The following GABRA3 variants were observed in gnomAD, a reference collection of about 807,000 sequenced individuals.
GABRA3 encodes the protein gamma-aminobutyric acid type A receptor subunit alpha3.
In GABRA3, 10 loss-of-function variants were observed where a neutral mutation model predicts 30.1. The ratio of observed to expected loss-of-function variants is 0.33; its 90% CI spans 0.20 to 0.56. The LOEUF (loss-of-function observed/expected upper bound fraction) is 0.56, where lower values mean the gene tolerates loss of function less well. GABRA3 is among the 20% of genes least tolerant of loss of function. GABRA3 has a pLI of 0.89. For synonymous variants in GABRA3, 151 were observed against 146.8 expected (o/e 1.03, Z -0.21); for missense variants, 233 against 392.0 (o/e 0.59, Z 3.42).
At chrX:152,264,869 T>C (rs1477907445) in intron 4 of GABRA3, among the ~76,000 whole-genome samples, 1 of 110,966 alleles carries the variant, frequency 9.0e-6, no homozygotes, top group East Asian at 2.8e-4. Context: ...ACAAAATAGA[T>C]ATCAAGAAAA....
At chrX:152,315,486 G>C (rs1169696544) in intron 3 of GABRA3, among the ~76,000 whole-genome samples, 1 of 111,053 alleles carries the variant, frequency 9.0e-6, no homozygotes, top group Admixed American at 9.5e-5. Context: ...CCATCCAAAC[G>C]TGAAGTTTCC....
Position 152,227,210 on chromosome X carries a change from T to G in GABRA3, c.552-2365A>C, listed in dbSNP as rs199691050. Among the ~76,000 whole-genome samples, 347 of 108,276 alleles carry G rather than the reference T, an allele frequency of 3.2e-3. 3 individuals are homozygous for G. Among genetic ancestry groups the G allele is most frequent in the African/African-American group, 0.011 (312 of 29,553 alleles). 94.0% of individuals were successfully genotyped at this position (108,276 alleles called of 115,157 possible). A position where few individuals can be genotyped will look rare whatever the true frequency, so the allele number is the denominator to read the frequency against. On this transcript the variant is annotated intron_variant, in intron 5 of 9. Transcript: ENST00000370314. ...TGGAATACTATGCAGCCATAAAAAA[T>G]GATGAGTTCATTTCCTTTGTAGGGA...
chrX:152,371,188 T>C (rs1278333434), intron 1 of GABRA3, among the ~76,000 whole-genome samples: 2 of 111,277 alleles, frequency 1.8e-5, no homozygotes, highest in Non-Finnish European at 3.8e-5. Context: ...CACGATCCTT[T>C]TGCACTTGCC....
intron 3 of GABRA3, among the ~76,000 whole-genome samples, chrX:152,327,392 A>G (rs1188657261): frequency 1.8e-5 from 2 of 111,938 alleles, no homozygotes; most frequent in Non-Finnish European, 3.8e-5. Flanking sequence ...AATCAACAGA[A>G]TATACATTCT....
intron 8 of GABRA3, among the ~76,000 whole-genome samples, chrX:152,193,767 G>A (rs865958250): frequency 2.6e-4 from 29 of 112,232 alleles, no homozygotes; most frequent in African/African-American, 9.4e-4. Context: ...GGGAGGCTGA[G>A]GCGGGTGGAT....
At chrX:152,261,673 G>A (rs1212533156) in intron 4 of GABRA3, among the ~76,000 whole-genome samples, 1 of 112,474 alleles carries the variant, frequency 8.9e-6, no homozygotes, top group Non-Finnish European at 1.9e-5. Context: ...CACCCCTGTG[G>A]CTTCGCAGGG....
chrX:152,236,585 G>A (rs1285783699), intron 5 of GABRA3, among the ~76,000 whole-genome samples: 1 of 103,320 alleles, frequency 9.7e-6, no homozygotes, highest in Non-Finnish European at 2.0e-5. Context: ...CTTCCACAAT[G>A]GTTGAACTAG....
rs1308503002 is a variant in GABRA3, at chrX:152,221,400, A to T, written c.634+3363T>A. 2.7e-5 allele frequency among the ~76,000 whole-genome samples: 3 copies of T among 111,774 alleles called. No individual in the cohort carries two copies. In the South Asian group the frequency reaches 1.1e-3, roughly 42 times the overall value. Reference sequence around the variant, plus strand: ...GAGTATATTTGTCTACTTTGCAACAATAATACCTTTTCTAAATTACTGTAA... The same window carrying T: ...GAGTATATTTGTCTACTTTGCAACATTAATACCTTTTCTAAATTACTGTAA... On this transcript the variant is annotated intron_variant, in intron 6 of 9. Transcript: ENST00000370314.
intron 3 of GABRA3, among the ~76,000 whole-genome samples, chrX:152,342,471 C>T (rs555294790): frequency 9.0e-5 from 10 of 110,926 alleles, no homozygotes; most frequent in African/African-American, 3.3e-4. Flanking sequence ...TTCAGTCTTT[C>T]TTTCTCTCCA....
intron 4 of GABRA3, among the ~76,000 whole-genome samples, chrX:152,265,918 C>T (rs1168431915): frequency 1.8e-5 from 2 of 110,821 alleles, no homozygotes; most frequent in African/African-American, 6.5e-5. Flanking sequence ...ACATACAAAC[C>T]TACCAAGATT....
At chrX:152,332,584 G>A (rs1055550449) in intron 3 of GABRA3, among the ~76,000 whole-genome samples, 1 of 111,719 alleles carries the variant, frequency 9.0e-6, no homozygotes, top group Non-Finnish European at 1.9e-5. Flanking sequence ...AAGGTATCTC[G>A]ACCCTTTTTT....
chrX:152,285,759 A>C (rs1299560513), intron 3 of GABRA3, among the ~76,000 whole-genome samples: 2 of 109,853 alleles, frequency 1.8e-5, no homozygotes, highest in African/African-American at 6.6e-5. Context: ...GGTGCCTTCT[A>C]TGTCCTCACA....
At chrX:152,365,598 A>G (rs1159243597) in intron 1 of GABRA3, among the ~76,000 whole-genome samples, 1 of 111,763 alleles carries the variant, frequency 8.9e-6, no homozygotes, top group African/African-American at 3.3e-5. Context: ...ACCCAACAAC[A>G]TACCCTTTTT....
At position 152,450,004 on chromosome X, in the gene GABRA3, G is replaced by A. The variant is rs900881786; in HGVS notation, c.-27+1142C>T. 4.9e-4 allele frequency among the ~76,000 whole-genome samples: 54 copies of A among 110,868 alleles called. 1 individual carries two copies. Among genetic ancestry groups the A allele is most frequent in the Non-Finnish European group, 4.5e-4 (24 of 52,967 alleles). On this transcript the variant is annotated intron_variant, in intron 1 of 9. Transcript: ENST00000370314. Reference sequence around the variant, plus strand: ...CGATAATTTTAGCAATTAGTATTAGGGATGTCAGAATTACTACCACAGGCA... The same window carrying A: ...CGATAATTTTAGCAATTAGTATTAGAGATGTCAGAATTACTACCACAGGCA...
At chrX:152,257,908 A>C (rs1480131425) in intron 4 of GABRA3, among the ~76,000 whole-genome samples, 4 of 112,424 alleles carry the variant, frequency 3.6e-5, no homozygotes, top group Non-Finnish European at 7.5e-5. Flanking sequence ...TCTGAAGTTT[A>C]CAAGCTGAAA....
intron 4 of GABRA3, among the ~76,000 whole-genome samples, chrX:152,257,362 A>C (rs1257544595): frequency 1.8e-5 from 2 of 112,335 alleles, no homozygotes; most frequent in Admixed American, 9.4e-5. Flanking sequence ...ACTGAACTAC[A>C]CAAGGCACAG....
intron 6 of GABRA3, among the ~76,000 whole-genome samples, chrX:152,219,311 C>T (rs1569359272): frequency 1.8e-5 from 2 of 110,604 alleles, no homozygotes; most frequent in African/African-American, 6.6e-5. Context: ...ATAATCAGCA[C>T]CCAGGAGTAT....
chrX:152,313,268 A>G (rs1296462894), intron 3 of GABRA3, among the ~76,000 whole-genome samples: 2 of 111,667 alleles, frequency 1.8e-5, no homozygotes, highest in Non-Finnish European at 3.8e-5. Flanking sequence ...AAGTTTGGGG[A>G]TCACTAATCT....
intron 1 of GABRA3, among the ~76,000 whole-genome samples, chrX:152,422,546 T>C (rs1440959075): frequency 9.0e-6 from 1 of 111,225 alleles, no homozygotes; most frequent in Admixed American, 9.6e-5. Context: ...ATATATGCTA[T>C]ACTTCAATTT....
Sources: gnomAD v4.1 joint callset for allele counts (sites outside exome capture counted in the v4.1 genomes callset) on GRCh38, gnomAD v4.1.1 for gene constraint, MANE v1.5 for transcripts, NCBI Gene and HGNC (gene_info 2026-07-23, HGNC 2026-07-21) for gene names.